UTY: variants seen among roughly 807,000 people sequenced by gnomAD.
UTY encodes ubiquitously transcribed tetratricopeptide repeat containing, Y-linked, also known as histone demethylase UTY.
In UTY, 12 loss-of-function variants were observed where a neutral mutation model predicts 32.5. That is an observed-to-expected ratio of 0.37 (90% CI 0.24 to 0.60). The LOEUF (loss-of-function observed/expected upper bound fraction) is 0.60, where lower values mean the gene tolerates loss of function less well. Ranked by LOEUF, UTY falls within the 20% of genes least tolerant of loss-of-function variation. UTY has a pLI of 0.69. For missense variants in UTY, 303 were observed against 299.2 expected (o/e 1.01, Z -0.09); for synonymous variants, 131 against 103.4 (o/e 1.27, Z -1.62).
intron 3 of UTY, among the ~76,000 whole-genome samples, chrY:13,457,667 A>G: frequency 3.0e-5 from 1 of 33,605 alleles, no homozygotes; most frequent in Non-Finnish European, 7.4e-5. Flanking sequence ...CAGCCAGTGA[A>G]TAACATTAAC....
At chrY:13,255,345 A>T (rs2054637838) in intron 28 of UTY, among the ~76,000 whole-genome samples, 1 of 33,598 alleles carries the variant, frequency 3.0e-5, no homozygotes, top group Non-Finnish European at 7.4e-5. Context: ...TGAAAGAACC[A>T]CTTCAAGTGG....
chrY:13,437,001 C>CACAT (rs2074646628), intron 4 of UTY, among the ~76,000 whole-genome samples: 1 of 31,793 alleles, frequency 3.1e-5, no homozygotes, highest in Non-Finnish European at 7.7e-5. Context: ...CACACACACA[C>CACAT]ACATCTTACA....
At chrY:13,347,594 C>T (rs1603427560) in intron 17 of UTY, among the ~76,000 whole-genome samples, 1 of 31,468 alleles carries the variant, frequency 3.2e-5, no homozygotes, top group African/African-American at 1.3e-4. Context: ...TGGTGGCAGG[C>T]GCCTGTAGTC....
At chrY:13,312,888 C>CA (rs2148857873) in intron 21 of UTY, among the ~76,000 whole-genome samples, 1 of 32,855 alleles carries the variant, frequency 3.0e-5, no homozygotes, top group African/African-American at 1.2e-4. Flanking sequence ...AAAACAAAAA[C>CA]AAAAAAACCC....
chrY:13,282,367 A>C, intron 27 of UTY, among the ~76,000 whole-genome samples: 1 of 33,529 alleles, frequency 3.0e-5, no homozygotes. Flanking sequence ...ACAAAAAAAA[A>C]CAAGGAAGTA....
At chrY:13,433,287 T>A in intron 4 of UTY, among the ~76,000 whole-genome samples, 1 of 33,091 alleles carries the variant, frequency 3.0e-5, no homozygotes, top group Non-Finnish European at 7.5e-5. Flanking sequence ...AATTGAAAAT[T>A]TCATTAAAGG....
At chrY:13,456,828 G>C in intron 3 of UTY, among the ~76,000 whole-genome samples, 1 of 33,233 alleles carries the variant, frequency 3.0e-5, no homozygotes. Context: ...AAAATGTCCA[G>C]TTAAACTTGG....
At chrY:13,329,164 C>T (rs2060479952) in intron 18 of UTY, among the ~76,000 whole-genome samples, 1 of 33,130 alleles carries the variant, frequency 3.0e-5, no homozygotes, top group African/African-American at 1.2e-4. Context: ...AGAAAAAACA[C>T]GTGACATCTT....
intron 8 of UTY, among the ~76,000 whole-genome samples, chrY:13,384,497 T>A (rs2066495207): frequency 3.1e-5 from 1 of 31,988 alleles, no homozygotes; most frequent in African/African-American, 1.2e-4. Flanking sequence ...ATCCTGACTC[T>A]ACTAAAAATA....
chrY:13,341,119 C>T (rs967918755), intron 17 of UTY, among the ~76,000 whole-genome samples: 1 of 33,850 alleles, frequency 3.0e-5, no homozygotes, highest in African/African-American at 1.2e-4. Context: ...CAACTTTACA[C>T]GCCATTTGAC....
chrY:13,380,580 C>T, intron 8 of UTY, among the ~76,000 whole-genome samples: 1 of 32,827 alleles, frequency 3.0e-5, no homozygotes, highest in Non-Finnish European at 7.5e-5. Context: ...TAATCTCAGA[C>T]ACAAAACCAC....
intron 21 of UTY, among the ~76,000 whole-genome samples, chrY:13,315,916 A>G (rs2059455975): frequency 9.1e-5 from 3 of 32,941 alleles, no homozygotes; most frequent in Non-Finnish European, 1.5e-4. Flanking sequence ...CACCTAACCA[A>G]TGGTTCATCT....
intron 6 of UTY, among the ~76,000 whole-genome samples, chrY:13,409,558 C>G: frequency 2.9e-5 from 1 of 33,932 alleles, no homozygotes; most frequent in Non-Finnish European, 7.4e-5. Context: ...GTTGGCCAGA[C>G]AAGCACATTC....
intron 18 of UTY, among the ~76,000 whole-genome samples, chrY:13,331,634 T>C: frequency 6.0e-5 from 2 of 33,474 alleles, no homozygotes; most frequent in Admixed American, 5.5e-4. Flanking sequence ...AATAACAAAC[T>C]CATCTGAGCT....
chrY:13,267,389 T>C (rs2055909880), intron 27 of UTY, among the ~76,000 whole-genome samples: 1 of 32,991 alleles, frequency 3.0e-5, no homozygotes, highest in Non-Finnish European at 7.4e-5. Context: ...CCTCCATCTC[T>C]CTCTTTTTTT....
intron 27 of UTY, chrY:13,287,005 A>G: frequency 2.6e-6 from 1 of 379,993 alleles, no homozygotes; most frequent in Non-Finnish European, 3.8e-6. Context: ...GATATTTCTC[A>G]GGTCTACACA....
At chrY:13,252,996 T>C (rs2148368539) in intron 28 of UTY, among the ~76,000 whole-genome samples, 1 of 33,160 alleles carries the variant, frequency 3.0e-5, no homozygotes, top group East Asian at 8.0e-4. Flanking sequence ...TCCCTCTATA[T>C]AAGCTGGGTT....
At chrY:13,405,963 T>A in intron 6 of UTY, among the ~76,000 whole-genome samples, 1 of 32,932 alleles carries the variant, frequency 3.0e-5, no homozygotes, top group African/African-American at 1.2e-4. Flanking sequence ...TTAATCCAGA[T>A]TCTGCCCTTA....
intron 28 of UTY, among the ~76,000 whole-genome samples, chrY:13,253,069 G>A: frequency 9.1e-5 from 3 of 33,045 alleles, no homozygotes. Flanking sequence ...TCGAATCCAG[G>A]TTGAAGGGAC....
Sources: allele counts gnomAD v4.1 joint callset (sites outside exome capture counted in the v4.1 genomes callset), GRCh38; gene constraint gnomAD v4.1.1; transcripts MANE v1.5; gene names NCBI Gene and HGNC (gene_info 2026-07-23, HGNC 2026-07-21).